RBM20: variants seen among roughly 807,000 people sequenced by gnomAD.
RBM20 encodes the protein RNA-binding protein 20.
In RBM20, 51 loss-of-function variants were observed where a neutral mutation model predicts 110.1. The observed-to-expected ratio is 0.46, with a 90% confidence interval of 0.37 to 0.59. The LOEUF is 0.59. Among genes scored for constraint, RBM20 ranks in the 20% least tolerant of loss-of-function variants. The pLI, the probability that RBM20 is intolerant of heterozygous loss-of-function variation, is 0.00. For missense variants in RBM20, 1,512 were observed against 1,574.9 expected (o/e 0.96, Z 0.68); for synonymous variants, 589 against 618.2 (o/e 0.95, Z 0.70).
At chr10:110,831,815 C>A (rs1188410063) in intron 13 of RBM20, among the ~76,000 whole-genome samples, 2 of 151,992 alleles carry the variant, frequency 1.3e-5, no homozygotes, top group African/African-American at 4.8e-5. Flanking sequence ...GGACAAAAAT[C>A]CCTGTTCTCA....
chr10:110,784,237 T>G (rs960640059), intron 3 of RBM20, 104 bp from the exon 4 acceptor site: 1 of 798,652 alleles, frequency 1.3e-6, no homozygotes, highest in African/African-American at 1.7e-5. Context: ...ACACCTGTTT[T>G]CAACTATTTG....
intron 1 of RBM20, among the ~76,000 whole-genome samples, chr10:110,668,149 T>G (rs1862206296): frequency 6.6e-6 from 1 of 152,196 alleles, no homozygotes; most frequent in Admixed American, 6.5e-5. Context: ...CATATGAATG[T>G]GAACGTGAAG....
At chr10:110,664,164 A>G (rs1229045200) in intron 1 of RBM20, among the ~76,000 whole-genome samples, 1 of 152,238 alleles carries the variant, frequency 6.6e-6, no homozygotes, top group Non-Finnish European at 1.5e-5. Context: ...CATCCAGATT[A>G]TGGCCTCTAA....
chr10:110,689,119 C>T (rs540115296), intron 1 of RBM20, among the ~76,000 whole-genome samples: 8 of 152,206 alleles, frequency 5.3e-5, no homozygotes, highest in African/African-American at 1.4e-4. Flanking sequence ...CCCTTTATTC[C>T]GTTTCCCCCA....
chr10:110,734,618 C>CATTTTTTTTTTTTTTTTT (rs34824300), intron 1 of RBM20, among the ~76,000 whole-genome samples: 1 of 136,532 alleles, frequency 7.3e-6, no homozygotes. Flanking sequence ...AAAATTCCCT[C>CATTTTTTTTTTTTTTTTT]TTTTTTTTTT....
chr10:110,764,242 C>G (rs1844048497), intron 1 of RBM20, among the ~76,000 whole-genome samples: 1 of 150,552 alleles, frequency 6.6e-6, no homozygotes, highest in South Asian at 2.1e-4. Flanking sequence ...CAAATTTTCA[C>G]CCGTGAAAAC....
intron 1 of RBM20, among the ~76,000 whole-genome samples, chr10:110,657,661 G>C (rs777588461): frequency 2.6e-5 from 4 of 152,050 alleles, no homozygotes; most frequent in Non-Finnish European, 5.9e-5. Context: ...AAAACTTTGG[G>C]CCTTTTACTT....
chr10:110,716,482 G>A (rs1863019410), intron 1 of RBM20, among the ~76,000 whole-genome samples: 2 of 152,230 alleles, frequency 1.3e-5, no homozygotes, highest in East Asian at 1.9e-4. Context: ...TGGGATTGGG[G>A]TGATCTGGGT....
At chr10:110,833,062 CCTT>C (rs929673644) in intron 13 of RBM20, among the ~76,000 whole-genome samples, 2 of 152,142 alleles carry the variant, frequency 1.3e-5, no homozygotes, top group African/African-American at 2.4e-5. Flanking sequence ...TTTTCCCAAA[CCTT>C]CTTCTTTGTA....
chr10:110,767,775 G>C (rs531461212), intron 1 of RBM20, among the ~76,000 whole-genome samples: 8 of 152,268 alleles, frequency 5.3e-5, no homozygotes, highest in African/African-American at 1.7e-4. Flanking sequence ...TGGGATGGCA[G>C]CCGAGAAGAG....
chr10:110,653,945 T>C (rs763137635), intron 1 of RBM20, among the ~76,000 whole-genome samples: 1 of 152,236 alleles, frequency 6.6e-6, no homozygotes, highest in Non-Finnish European at 1.5e-5. Flanking sequence ...GAATGAACCA[T>C]GATATGGCTG....
rs376936285 is a variant in RBM20, at chr10:110,644,604, A to T, written c.150A>T (p.Pro50=). The change falls in exon 1 of 14, where the codon CCA becomes CCT. Residue 50 remains proline (P), a synonymous_variant. Transcript: ENST00000369519. This position sits in a 1 kb window ranked among gnomAD's most constrained non-coding sequence, Gnocchi z 4.3. ...AGCAGCCGCCGCCGCCGCCCCAGCC[A>T]CCGCCCCCGCCCCAAGCCGGCCTAC... ...GMQQPPPPPQ[P]PPPPQAGLPQ... 529 of 1,144,878 alleles carry T rather than the reference A, an allele frequency of 4.6e-4. 2 individuals are homozygous for T. The African/African-American group carries it at 8.1e-3, about 17-fold the overall frequency. The allele number at this position is 1,144,878 out of a possible 1,614,324, so 70.9% of individuals were successfully genotyped here. A position where few individuals can be genotyped will look rare whatever the true frequency, so the allele number is the denominator to read the frequency against.
At chr10:110,770,777 A>C (rs1844177398) in intron 1 of RBM20, among the ~76,000 whole-genome samples, 1 of 152,244 alleles carries the variant, frequency 6.6e-6, no homozygotes. Context: ...TGAAAAGAAA[A>C]TTCACAGAAC....
rs1229603783 is a variant in RBM20 at position 110,784,248 on chromosome 10, G to A, written c.1338-93G>A. The A allele has an allele frequency of 3.4e-6, 3 of 874,308 alleles. No homozygotes were observed. In the East Asian group the frequency reaches 8.0e-5, roughly 23 times the overall value. 54.2% of individuals were successfully genotyped at this position (874,308 alleles called of 1,614,324 possible). ...TTGAACACCTGTTTTCAACTATTTG[G>A]GGGTCTGCACCTACGAGTGGAATTT... On this transcript the variant is annotated intron_variant, in intron 3 of 13. Transcript: ENST00000369519.
intron 1 of RBM20, among the ~76,000 whole-genome samples, chr10:110,649,917 C>G (rs190633205): frequency 6.6e-6 from 1 of 152,274 alleles, no homozygotes; most frequent in East Asian, 1.9e-4. Context: ...AGTAGACTGG[C>G]AGATTCTGAT....
chr10:110,689,904 T>C (rs1862562834), intron 1 of RBM20, among the ~76,000 whole-genome samples: 2 of 152,238 alleles, frequency 1.3e-5, no homozygotes, highest in Non-Finnish European at 2.9e-5. Flanking sequence ...TTTCATCTGA[T>C]TGTCAATTTG....
At chr10:110,835,252 TGACACTA>T (rs1336384799) in intron 13 of RBM20, 1 of 152,250 alleles carries the variant, frequency 6.6e-6, no homozygotes, top group African/African-American at 2.4e-5. Context: ...GAACAGCACT[TGACACTA>T]GATAAGGGCT....
chr10:110,829,877 C>A (rs979686304), intron 12 of RBM20, among the ~76,000 whole-genome samples: 7 of 152,200 alleles, frequency 4.6e-5, no homozygotes, highest in Non-Finnish European at 7.3e-5. Flanking sequence ...ATGGCCAGAC[C>A]TGAAACCATT....
intron 1 of RBM20, among the ~76,000 whole-genome samples, chr10:110,727,759 C>A (rs1843579101): frequency 6.6e-6 from 1 of 152,012 alleles, no homozygotes; most frequent in Admixed American, 6.6e-5. Context: ...GGTTTTAAGC[C>A]CTGCATGCCT....
Sources: allele counts gnomAD v4.1 joint callset (sites outside exome capture counted in the v4.1 genomes callset), GRCh38; gene constraint gnomAD v4.1.1; non-coding constraint Gnocchi (gnomAD v3.1); transcripts MANE v1.5; gene names NCBI Gene and HGNC (gene_info 2026-07-23, HGNC 2026-07-21).